Variants in PIK3R6 observed in about 807,000 individuals in gnomAD.
The protein encoded by PIK3R6 is phosphoinositide 3-kinase regulatory subunit 6.
In PIK3R6, 91 loss-of-function variants were observed where a neutral mutation model predicts 84.9. The ratio of observed to expected loss-of-function variants is 1.07; its 90% CI spans 0.90 to 1.28. PIK3R6 has a LOEUF of 1.28. PIK3R6 is among the 50% of genes most tolerant of loss of function. The pLI, the probability that PIK3R6 is intolerant of heterozygous loss-of-function variation, is 0.00. For missense variants in PIK3R6, 996 were observed against 985.1 expected (o/e 1.01, Z -0.15); for synonymous variants, 416 against 411.4 (o/e 1.01, Z -0.13).
At position 8,818,596 on chromosome 17, in the gene PIK3R6, C is replaced by A. The variant is rs1024724257; in HGVS notation, c.1995+487G>T. Among the ~76,000 whole-genome samples the A allele has an allele frequency of 2.6e-5, 4 of 152,068 alleles. No homozygotes were observed. The East Asian group carries it at 7.7e-4, about 29-fold the overall frequency. ...CCTGAGAGGCGGGGGTTGCAGTGAA[C>A]TAAGATTGCACCACTGCACTCCAGC... On this transcript the variant is annotated intron_variant, in intron 18 of 19. Transcript: ENST00000619866.
At position 8,827,757 on chromosome 17, in the gene PIK3R6, GAGAGAGGAGAGAGAGAGAGAGAGAGA is replaced by G. The variant is rs2087981633; in HGVS notation, c.1392+329_1392+354del. Among the ~76,000 whole-genome samples, 2 of 75,612 alleles carry G rather than the reference GAGAGAGGAGAGAGAGAGAGAGAGAGA, an allele frequency of 2.6e-5. 1 individual carries two copies. The highest frequency in any genetic ancestry group is 1.3e-4 in the African/African-American group (2 of 14,846). 49.6% of individuals were successfully genotyped at this position (75,612 alleles called of 152,430 possible). A position where few individuals can be genotyped will look rare whatever the true frequency, so the allele number is the denominator to read the frequency against. ...GGAGGGAAGGGGAGAGAGAGAGAGA[GAGAGAGGAGAGAGAGAGAGAGAGAGA>G]GAGAGAGAGAGAGAGAGAGAGAGAG... On this transcript the variant is annotated intron_variant, in intron 12 of 19. Transcript: ENST00000619866.
At chr17:8,831,411 C>G (rs2088238073) in intron 9 of PIK3R6, among the ~76,000 whole-genome samples, 1 of 146,960 alleles carries the variant, frequency 6.8e-6, no homozygotes, top group Non-Finnish European at 1.5e-5. Context: ...TTGGGGGTGG[C>G]CCAGATGGTC....
At chr17:8,863,907 A>G (rs1056930907) in intron 1 of PIK3R6, among the ~76,000 whole-genome samples, 2 of 152,250 alleles carry the variant, frequency 1.3e-5, no homozygotes, top group Non-Finnish European at 2.9e-5. Context: ...AAGGCCCGAC[A>G]GCAAGCCATG....
chr17:8,816,060 C>T (rs1247761421), intron 18 of PIK3R6, among the ~76,000 whole-genome samples: 1 of 152,002 alleles, frequency 6.6e-6, no homozygotes, highest in African/African-American at 2.4e-5. Flanking sequence ...CAGATAAAGC[C>T]CCAAGAAATA....
intron 2 of PIK3R6, among the ~76,000 whole-genome samples, chr17:8,841,650 T>A (rs1293565500): frequency 6.6e-6 from 1 of 152,174 alleles, no homozygotes; most frequent in African/African-American, 2.4e-5. Flanking sequence ...TCCTTACCAT[T>A]TAATAAGTTC....
chr17:8,843,489 T>A (rs184758629), intron 2 of PIK3R6, among the ~76,000 whole-genome samples: 30 of 152,242 alleles, frequency 2.0e-4, no homozygotes, highest in Admixed American at 5.2e-4. Context: ...TTTTTATGTT[T>A]CACAGAAAAA....
intron 2 of PIK3R6, among the ~76,000 whole-genome samples, chr17:8,845,490 A>C (rs1311945696): frequency 2.0e-5 from 3 of 151,912 alleles, no homozygotes; most frequent in African/African-American, 7.3e-5. Context: ...TCTTTTACCC[A>C]TTTTTTAAGT....
intron 9 of PIK3R6, among the ~76,000 whole-genome samples, chr17:8,832,375 C>CTTCT (rs1201269501): frequency 2.6e-5 from 2 of 77,798 alleles, no homozygotes; most frequent in African/African-American, 5.4e-5. Context: ...TACCCACCTT[C>CTTCT]TTTTTTTTTT....
intron 10 of PIK3R6, among the ~76,000 whole-genome samples, chr17:8,829,375 T>TAC (rs562721798): frequency 2.2e-5 from 3 of 134,954 alleles, no homozygotes; most frequent in East Asian, 2.2e-4. Flanking sequence ...CATGCATGGA[T>TAC]ACACACACTG....
chr17:8,832,211 G>A (rs2088264474), intron 9 of PIK3R6, among the ~76,000 whole-genome samples: 1 of 152,076 alleles, frequency 6.6e-6, no homozygotes. Flanking sequence ...TCTGTAAAAT[G>A]GGGATAATAA....
chr17:8,814,213 A>ATTTTTTT (rs528042541), intron 18 of PIK3R6, among the ~76,000 whole-genome samples: 22 of 76,376 alleles, frequency 2.9e-4, no homozygotes, highest in South Asian at 1.2e-3. Context: ...TCAGAGAGAG[A>ATTTTTTT]TCTTTTTTTT....
At chr17:8,813,419 C>G (rs149744) in intron 18 of PIK3R6, among the ~76,000 whole-genome samples, 36,239 of 151,954 alleles carry the variant, frequency 0.24, 4,494 homozygotes, top group Admixed American at 0.31. Context: ...GGGTCAGTCA[C>G]TCTGATACCA....
At chr17:8,819,660 AT>A (rs920693660) in intron 17 of PIK3R6, among the ~76,000 whole-genome samples, 4 of 131,776 alleles carry the variant, frequency 3.0e-5, no homozygotes, top group South Asian at 2.6e-4. Context: ...TTTTATTATT[AT>A]TTTTTTGTGC....
rs377023801 is a variant in PIK3R6 at position 8,823,430 on chromosome 17, C to A, written c.1583G>T (p.Arg528Leu). The change falls in exon 14 of 20, where the codon CGC (arginine) becomes CTC (leucine). Residue 528 changes from arginine to leucine, a missense_variant. Transcript: ENST00000619866. ...GAAATAGATGGGTTGGGTGCCCATG[C>A]GGATGTAGTAGGTGATGACGTCTAG... ...FILDVITYYI[R>L]MGTQPIYFQI... The A allele has an allele frequency of 2.7e-5, 44 of 1,611,132 alleles. No homozygotes were observed. Among genetic ancestry groups the A allele is most frequent in the Non-Finnish European group, 3.3e-5 (39 of 1,178,312 alleles).
intron 1 of PIK3R6, among the ~76,000 whole-genome samples, chr17:8,858,310 CTTTTTTTT>C (rs752142944): frequency 1.5e-4 from 14 of 95,512 alleles, no homozygotes; most frequent in African/African-American, 3.0e-4. Flanking sequence ...CTCAATTAAT[CTTTTTTTT>C]TTTTTTTTTT....
intron 18 of PIK3R6, among the ~76,000 whole-genome samples, chr17:8,811,460 A>T (rs1190183217): frequency 6.7e-6 from 1 of 148,392 alleles, no homozygotes; most frequent in Non-Finnish European, 1.5e-5. Context: ...TTTCTCCTCA[A>T]AAAATGGGAT....
At position 8,839,185 on chromosome 17, in the gene PIK3R6, G is replaced by A. The variant is rs557936344; in HGVS notation, c.97+429C>T. Among the ~76,000 whole-genome samples the A allele has an allele frequency of 2.0e-5, 3 of 151,918 alleles. No individual in the cohort carries two copies. Among genetic ancestry groups the A allele is most frequent in the South Asian group, 2.1e-4 (1 of 4,792 alleles). On this transcript the variant is annotated intron_variant, in intron 3 of 19. Coordinates refer to ENST00000619866, the MANE Select transcript of PIK3R6 (RefSeq NM_001010855.4). The surrounding 1 kb of genome is among the most constrained non-coding windows in gnomAD (Gnocchi z 4.2). ...CAACATGGTGAAACTGCATCTCTAC[G>A]AAAAATACAAAAATTAGCAGGGCAT...
chr17:8,835,299 C>A lies in PIK3R6; in HGVS notation c.619G>T (p.Ala207Ser). The A allele has an allele frequency of 6.3e-7, 1 of 1,583,462 alleles. No homozygotes were observed. Among genetic ancestry groups the A allele is most frequent in the Non-Finnish European group, 8.6e-7 (1 of 1,160,750 alleles). ...LQAALGEACH[A>S]GALHRKLQAS... ...TGCAGCTTCCTGTGCAGAGCGCCTG[C>A]GTGACAGGCCTCCCCCAGAGCCGCC... Residue 207 changes from alanine (A) to serine (S), a missense_variant, in exon 8 of 20, where the codon GCA becomes TCA. Transcript: ENST00000619866.
chr17:8,811,413 C>T (rs753947721), intron 18 of PIK3R6, among the ~76,000 whole-genome samples: 2 of 148,518 alleles, frequency 1.3e-5, no homozygotes, highest in Non-Finnish European at 2.9e-5. Flanking sequence ...ACATTTGGCT[C>T]CTCATTGCTT....
Sources: gnomAD v4.1 joint callset for allele counts (sites outside exome capture counted in the v4.1 genomes callset) on GRCh38, gnomAD v4.1.1 for gene constraint, Gnocchi (gnomAD v3.1) non-coding constraint, MANE v1.5 for transcripts, NCBI Gene and HGNC (gene_info 2026-07-23, HGNC 2026-07-21) for gene names.